Variants in FGD4 observed in about 807,000 individuals in gnomAD.
FGD4 encodes the protein FYVE, RhoGEF and PH domain-containing protein 4.
FGD4 carries 42 observed loss-of-function variants against 102.0 expected under a neutral mutation model. The observed-to-expected ratio is 0.41, with a 90% CI of 0.32 to 0.53. The LOEUF (loss-of-function observed/expected upper bound fraction) is 0.53. Ranked by LOEUF, FGD4 falls within the 20% of genes least tolerant of loss-of-function variation. The probability of loss-of-function intolerance (pLI) is 0.21; values close to 1 mark genes in which losing one functional copy is unlikely to be tolerated. For missense variants in FGD4, 902 were observed against 1,078.2 expected (o/e 0.84, Z 2.29); for synonymous variants, 380 against 375.7 (o/e 1.01, Z -0.13).
intron 10 of FGD4, among the ~76,000 whole-genome samples, chr12:32,616,662 T>C (rs1347564155): frequency 1.3e-5 from 2 of 152,264 alleles, no homozygotes; most frequent in Non-Finnish European, 2.9e-5. Flanking sequence ...TTCTGTTTCC[T>C]ACACTTGAGA....
chr12:32,542,197 A>G (rs1402942910), intron 1 of FGD4, among the ~76,000 whole-genome samples: 3 of 152,230 alleles, frequency 2.0e-5, no homozygotes, highest in African/African-American at 7.2e-5. Flanking sequence ...AAAGTGTTGC[A>G]ACACAGTAGG....
chr12:32,515,413 A>G (rs1373083752), intron 1 of FGD4, among the ~76,000 whole-genome samples: 3 of 152,248 alleles, frequency 2.0e-5, no homozygotes, highest in Non-Finnish European at 4.4e-5. Flanking sequence ...AGCAGATAGA[A>G]TGTGCTAGAT....
At chr12:32,535,462 G>A (rs1185494583) in intron 1 of FGD4, among the ~76,000 whole-genome samples, 3 of 152,064 alleles carry the variant, frequency 2.0e-5, no homozygotes, top group African/African-American at 7.2e-5. Context: ...AGCTGGCTCC[G>A]TTCCCAGGTT....
At chr12:32,539,992 A>C (rs1052235906) in intron 1 of FGD4, among the ~76,000 whole-genome samples, 3 of 152,122 alleles carry the variant, frequency 2.0e-5, no homozygotes, top group African/African-American at 7.2e-5. Context: ...ATTTTTTTTA[A>C]ATTTATTTCC....
At chr12:32,528,836 G>A (rs1941517221) in intron 1 of FGD4, among the ~76,000 whole-genome samples, 1 of 152,130 alleles carries the variant, frequency 6.6e-6, no homozygotes, top group African/African-American at 2.4e-5. Context: ...TTGATCCACA[G>A]TTGCTTGCAC....
chr12:32,471,728 G>A (rs142115496), intron 1 of FGD4, among the ~76,000 whole-genome samples: 18 of 152,248 alleles, frequency 1.2e-4, no homozygotes, highest in African/African-American at 3.1e-4. Flanking sequence ...TTGGATGGGT[G>A]CTCAGCTGGG....
chr12:32,584,436 T>G (rs978253314), intron 4 of FGD4, among the ~76,000 whole-genome samples: 2 of 152,182 alleles, frequency 1.3e-5, no homozygotes, highest in African/African-American at 4.8e-5. Context: ...GGTAATATAG[T>G]GGACCACACA....
intron 10 of FGD4, among the ~76,000 whole-genome samples, chr12:32,618,287 C>T (rs1949564629): frequency 1.3e-5 from 2 of 152,180 alleles, no homozygotes; most frequent in Admixed American, 1.3e-4. Flanking sequence ...ACCTCTGTCC[C>T]TTGTGCTGGT....
intron 1 of FGD4, among the ~76,000 whole-genome samples, chr12:32,431,419 G>T (rs1174825844): frequency 6.6e-6 from 1 of 152,028 alleles, no homozygotes; most frequent in Non-Finnish European, 1.5e-5. Flanking sequence ...TTTTTCGTTT[G>T]GAAAAGGGTT....
intron 4 of FGD4, 117 bp from the exon 5 acceptor site, chr12:32,598,380 G>A: frequency 1.4e-6 from 1 of 697,168 alleles, no homozygotes; most frequent in South Asian, 1.9e-5. Flanking sequence ...AAAGAACCGA[G>A]TAACTGAAAA....
At chr12:32,532,547 A>G (rs1019345061) in intron 1 of FGD4, among the ~76,000 whole-genome samples, 1 of 152,162 alleles carries the variant, frequency 6.6e-6, no homozygotes, top group African/African-American at 2.4e-5. Context: ...TAACATAGCA[A>G]TGGGCAGAGA....
chr12:32,459,480 A>T (rs1383304243), intron 1 of FGD4, among the ~76,000 whole-genome samples: 1 of 152,080 alleles, frequency 6.6e-6, no homozygotes, highest in Admixed American at 6.5e-5. Flanking sequence ...GGCATGAGCT[A>T]CTGTGTCTGG....
chr12:32,625,269 C>CTTTTTT (rs374139685), intron 13 of FGD4, among the ~76,000 whole-genome samples: 1 of 119,888 alleles, frequency 8.3e-6, no homozygotes, highest in Non-Finnish European at 1.7e-5. Flanking sequence ...TTTTCTTATT[C>CTTTTTT]TTTTTTTTTT....
chr12:32,639,511 T>A (rs1044815421), intron 16 of FGD4, among the ~76,000 whole-genome samples: 1 of 152,150 alleles, frequency 6.6e-6, no homozygotes, highest in East Asian at 1.9e-4. Flanking sequence ...TGGATAGATA[T>A]CTGAAAAAGG....
At chr12:32,466,572 A>G (rs988866160) in intron 1 of FGD4, among the ~76,000 whole-genome samples, 1 of 152,038 alleles carries the variant, frequency 6.6e-6, no homozygotes, top group Non-Finnish European at 1.5e-5. Flanking sequence ...TTGACATATA[A>G]AATTAGCAAT....
At chr12:32,405,374 C>T (rs1343625390) in intron 1 of FGD4, among the ~76,000 whole-genome samples, 1 of 151,186 alleles carries the variant, frequency 6.6e-6, no homozygotes, top group Admixed American at 6.6e-5. Context: ...ATTCTCTTGC[C>T]TCAGCCTCCC....
At chr12:32,429,979 AAG>A (rs1348290828) in intron 1 of FGD4, among the ~76,000 whole-genome samples, 1 of 151,984 alleles carries the variant, frequency 6.6e-6, no homozygotes, top group Non-Finnish European at 1.5e-5. Flanking sequence ...AAAAAAAAAA[AAG>A]GACATTTTCA....
Position 32,643,447 on chromosome 12 carries a change from G to C in FGD4, c.*2914G>C, listed in dbSNP as rs1951260780. On this transcript the variant is annotated 3_prime_UTR_variant, in exon 17 of 17. Coordinates refer to ENST00000534526, the MANE Select transcript of FGD4 (RefSeq NM_001370298.3). ...GAAATGGGAAGGGGCATCATTCCTT[G>C]GATTTTAAATAACTATCAAGAACAT... The C allele has an allele frequency of 6.8e-6, 1 of 146,164 alleles. No homozygotes were observed. The allele number at this position is 146,164 out of a possible 1,614,324, so 9.1% of individuals were successfully genotyped here.
intron 7 of FGD4, among the ~76,000 whole-genome samples, chr12:32,602,906 A>C (rs564772220): frequency 1.3e-5 from 2 of 152,274 alleles, no homozygotes; most frequent in Middle Eastern, 6.8e-3. Flanking sequence ...CTTTTGTGTC[A>C]TATGAATTTT....
Sources: gnomAD v4.1 joint callset for allele counts (sites outside exome capture counted in the v4.1 genomes callset) on GRCh38, gnomAD v4.1.1 for gene constraint, MANE v1.5 for transcripts, NCBI Gene and HGNC (gene_info 2026-07-23, HGNC 2026-07-21) for gene names.